LMF1: variants seen among roughly 807,000 people sequenced by gnomAD.
The protein encoded by LMF1 is lipase maturation factor 1, also known as transmembrane protein 112.
A neutral mutation model predicts 60.6 loss-of-function variants in LMF1; 68 were observed. The observed-to-expected ratio is 1.12, with a 90% CI of 0.92 to 1.37. The LOEUF (loss-of-function observed/expected upper bound fraction) is 1.37. Ranked by LOEUF, LMF1 falls within the 40% of genes most tolerant of loss-of-function variation. LMF1 has a pLI of 0.00. For missense variants in LMF1, 948 were observed against 767.2 expected, an observed-to-expected ratio of 1.24 and a Z score of -2.78; for synonymous variants, 418 against 324.7, an observed-to-expected ratio of 1.29 and a Z score of -3.09.
At chr16:980,117 T>G (rs1352260824) in intron 1 of LMF1, 2 of 280,548 alleles carry the variant, frequency 7.1e-6, no homozygotes, top group African/African-American at 4.4e-5. Flanking sequence ...CCACCGCTGC[T>G]TCCTCTGACC....
chr16:980,359 G>C (rs2073314083), intron 1 of LMF1: 1 of 153,364 alleles, frequency 6.5e-6, no homozygotes, highest in Non-Finnish European at 1.5e-5. Context: ...GTCCTGTGCG[G>C]TCGGTGGCGG....
intron 2 of LMF1, among the ~76,000 whole-genome samples, chr16:947,247 C>T (rs2072259427): frequency 6.6e-6 from 1 of 152,242 alleles, no homozygotes; most frequent in Non-Finnish European, 1.5e-5. Context: ...CTTTTACCAT[C>T]AAATATGTCT....
intron 5 of LMF1, among the ~76,000 whole-genome samples, chr16:890,053 C>G (rs2070434021): frequency 6.6e-6 from 1 of 152,202 alleles, no homozygotes; most frequent in Non-Finnish European, 1.5e-5. Flanking sequence ...TCCCCACACA[C>G]TGCCCCCTGT....
At chr16:916,954 T>C (rs1387312546) in intron 3 of LMF1, among the ~76,000 whole-genome samples, 1 of 152,212 alleles carries the variant, frequency 6.6e-6, no homozygotes, top group Admixed American at 6.5e-5. Context: ...CCCCTGAATA[T>C]TGAGCTCCGG....
At chr16:919,879 C>A (rs1457393885) in intron 3 of LMF1, among the ~76,000 whole-genome samples, 1 of 152,128 alleles carries the variant, frequency 6.6e-6, no homozygotes, top group Non-Finnish European at 1.5e-5. Context: ...AGCTCCGCCC[C>A]GGGACCCCCT....
intron 4 of LMF1, among the ~76,000 whole-genome samples, chr16:896,209 G>A (rs1375141748): frequency 7.5e-6 from 1 of 133,670 alleles, no homozygotes; most frequent in Non-Finnish European, 1.6e-5. Context: ...ACGCCTTGGA[G>A]GGGTTGTGAG....
chr16:947,400 A>T (rs1220369335), intron 2 of LMF1: 1 of 442,596 alleles, frequency 2.3e-6, no homozygotes, highest in Admixed American at 2.4e-5. Context: ...ACCTCCTTAC[A>T]TTGAAGTCCT....
intron 10 of LMF1, 51 bp from the exon 11 acceptor site, chr16:854,757 G>A (rs2069142882): frequency 2.8e-5 from 42 of 1,497,200 alleles, no homozygotes; most frequent in South Asian, 1.4e-4. Flanking sequence ...CCCGGCCCCC[G>A]ACCCGGCTCC....
At chr16:883,465 C>T (rs1004222416) in intron 5 of LMF1, among the ~76,000 whole-genome samples, 4 of 152,256 alleles carry the variant, frequency 2.6e-5, no homozygotes, top group Admixed American at 2.0e-4. Flanking sequence ...ATCTCTGAAA[C>T]AGCCTGAATC....
Position 854,538 on chromosome 16 carries a change from G to GGGCC in LMF1, c.1694_1697dup (p.Leu567AlafsTer9). 1 of 1,607,256 alleles carries GGGCC rather than the reference G, an allele frequency of 6.2e-7. No homozygotes were observed. Reference sequence around the variant, plus strand: ...CTTTATTTCTGGTGCACGTCTAGAGGGGCCCGGGCAGAGGCCACCCACGGT... The same window carrying GGGCC: ...CTTTATTTCTGGTGCACGTCTAGAGGGGCCGGCCCGGGCAGAGGCCACCCACGGT... On this transcript the variant is annotated frameshift_variant, in exon 11 of 11. Coordinates refer to ENST00000262301, the MANE Select transcript of LMF1 (RefSeq NM_022773.4). LOFTEE classifies it high-confidence loss of function.
chr16:907,999 G>A (rs4984970), intron 4 of LMF1, among the ~76,000 whole-genome samples: 44,084 of 152,128 alleles, frequency 0.29, 8,342 homozygotes, highest in African/African-American at 0.52. Flanking sequence ...ACAACCGCCT[G>A]GCGGCTCCTC....
At chr16:867,740 C>T (rs964012195) in intron 10 of LMF1, among the ~76,000 whole-genome samples, 10 of 152,248 alleles carry the variant, frequency 6.6e-5, no homozygotes, top group African/African-American at 1.7e-4. Flanking sequence ...TGCCTGAGGC[C>T]GGGCCCATGA....
At chr16:945,211 CA>C (rs60283096) in intron 2 of LMF1, among the ~76,000 whole-genome samples, 1,900 of 78,954 alleles carry the variant, frequency 0.024, 40 homozygotes, top group African/African-American at 0.06. Flanking sequence ...GACTCCATCT[CA>C]AAAAAAAAAA....
intron 1 of LMF1, among the ~76,000 whole-genome samples, chr16:958,879 T>C (rs946196451): frequency 6.7e-6 from 1 of 150,306 alleles, no homozygotes; most frequent in Non-Finnish European, 1.5e-5. Flanking sequence ...AGAGTAAGAC[T>C]GTCTCAAAAA....
chr16:972,463 T>C (rs377761777), upstream of LMF1, among the ~76,000 whole-genome samples: 1 of 152,130 alleles, frequency 6.6e-6, no homozygotes, highest in African/African-American at 2.4e-5. Flanking sequence ...CCACGACCCG[T>C]ACCTCTCCTC....
chr16:859,894 T>A (rs113855453), intron 10 of LMF1, among the ~76,000 whole-genome samples: 45 of 127,720 alleles, frequency 3.5e-4, no homozygotes, highest in African/African-American at 8.4e-4. Flanking sequence ...GAGTGGTGTC[T>A]CGGGATGGGT....
chr16:963,305 G>A (rs536383098), intron 1 of LMF1, among the ~76,000 whole-genome samples: 4 of 152,224 alleles, frequency 2.6e-5, no homozygotes, highest in South Asian at 4.2e-4. Flanking sequence ...CCTCAGCCCC[G>A]GCGGCCACAC....
At chr16:870,945 A>C in intron 7 of LMF1, 63 bp from the exon 8 acceptor site, 1 of 1,523,234 alleles carries the variant, frequency 6.6e-7, no homozygotes, top group South Asian at 1.2e-5. Context: ...GTCCCTGGGG[A>C]GACCCCAGCT....
chr16:929,978 G>T (rs76826528), intron 3 of LMF1, among the ~76,000 whole-genome samples: 4 of 150,558 alleles, frequency 2.7e-5, no homozygotes, highest in Non-Finnish European at 5.9e-5. Context: ...GAACGGGGGC[G>T]CAGGACCCTG....
Sources: allele counts gnomAD v4.1 joint callset (sites outside exome capture counted in the v4.1 genomes callset), GRCh38; gene constraint gnomAD v4.1.1; transcripts MANE v1.5; gene names NCBI Gene and HGNC (gene_info 2026-07-23, HGNC 2026-07-21).